The following ERC2 variants were observed in gnomAD, a reference collection of about 807,000 sequenced individuals.
The protein encoded by ERC2 is ELKS/RAB6-interacting/CAST family member 2, also known as ERC protein 2.
In ERC2, 42 loss-of-function variants were observed where a neutral mutation model predicts 114.8. That is an observed-to-expected ratio of 0.37 (90% CI 0.29 to 0.47). The LOEUF (loss-of-function observed/expected upper bound fraction) is 0.47, where lower values mean the gene tolerates loss of function less well. ERC2 is among the 20% of genes least tolerant of loss of function. The pLI is 0.99. For synonymous variants in ERC2, 454 were observed against 425.5 expected, an observed-to-expected ratio of 1.07 and a Z score of -0.82; for missense variants, 939 against 1,150.7, an observed-to-expected ratio of 0.82 and a Z score of 2.66.
intron 14 of ERC2, among the ~76,000 whole-genome samples, chr3:55,813,836 G>T (rs1458483164): frequency 6.6e-6 from 1 of 152,098 alleles, no homozygotes; most frequent in Non-Finnish European, 1.5e-5. Context: ...CCTATTAAAT[G>T]CAAGTCCCTC....
intron 6 of ERC2, among the ~76,000 whole-genome samples, chr3:56,132,819 G>A (rs2080285208): frequency 6.6e-6 from 1 of 152,084 alleles, no homozygotes; most frequent in African/African-American, 2.4e-5. Context: ...GTATGTGTAT[G>A]TTTGTATATA....
In ERC2 at chr3:56,355,892, A is replaced by G. The variant is rs548510165; in HGVS notation, c.658-59457T>C. Among the ~76,000 whole-genome samples, 5 of 152,312 alleles carry G rather than the reference A, an allele frequency of 3.3e-5. No individual in the cohort carries two copies. The South Asian group carries it at 1.0e-3, about 32-fold the overall frequency. ...TGTCTGCTCCAGCACCGTACTTTCC[A>G]TGGAGAGGTGATGAATCAGACTGGA... On this transcript the variant is annotated intron_variant, in intron 2 of 17. Transcript: ENST00000288221.
chr3:55,576,015 A>G (rs989355318), intron 17 of ERC2, among the ~76,000 whole-genome samples: 8 of 152,134 alleles, frequency 5.3e-5, no homozygotes, highest in Non-Finnish European at 1.2e-4. Context: ...ACCTCTATAA[A>G]ATTCTCCAAA....
chr3:56,091,787 C>A (rs2077806833), intron 6 of ERC2, among the ~76,000 whole-genome samples: 1 of 152,136 alleles, frequency 6.6e-6, no homozygotes, highest in Non-Finnish European at 1.5e-5. Context: ...GAGATTTGGT[C>A]ATCTCAATTG....
intron 17 of ERC2, among the ~76,000 whole-genome samples, chr3:55,646,240 A>G (rs2060392759): frequency 6.6e-6 from 1 of 152,172 alleles, no homozygotes; most frequent in Non-Finnish European, 1.5e-5. Flanking sequence ...TTCTTAATCC[A>G]ACCTGTTCAC....
chr3:55,917,694 A>T (rs565958350), intron 13 of ERC2, among the ~76,000 whole-genome samples: 1 of 152,246 alleles, frequency 6.6e-6, no homozygotes, highest in African/African-American at 2.4e-5. Context: ...TTTCCTTTTG[A>T]GGTAACAAAA....
rs189775315 is a variant in ERC2 at position 56,017,728 on chromosome 3, C to A, written c.1779+1166G>T. 1.4e-3 allele frequency among the ~76,000 whole-genome samples: 206 copies of A among 152,240 alleles called. 1 individual carries two copies. The Middle Eastern group carries it at 0.024, about 18-fold the overall frequency. ...CTCTTCTTTTGTAGAAAATATTACC[C>A]TCTGAAATCCTAGGAATGTCACGTA... is the stretch of plus-strand genomic sequence containing the variant. On this transcript the variant is annotated intron_variant, in intron 8 of 17. Transcript: ENST00000288221.
At chr3:55,549,478 T>C (rs78472157) in intron 17 of ERC2, among the ~76,000 whole-genome samples, 1 of 16,386 alleles carries the variant, frequency 6.1e-5, no homozygotes, top group South Asian at 3.6e-3. Context: ...CCGCCTTACC[T>C]TTTTTTTTTT....
intron 17 of ERC2, among the ~76,000 whole-genome samples, chr3:55,578,396 T>C (rs1252005370): frequency 2.0e-5 from 3 of 152,198 alleles, no homozygotes; most frequent in African/African-American, 4.8e-5. Flanking sequence ...GGAAAGCTCT[T>C]GCCTTGGCTC....
intron 14 of ERC2, among the ~76,000 whole-genome samples, chr3:55,879,286 A>G (rs2063013198): frequency 6.6e-6 from 1 of 152,080 alleles, no homozygotes; most frequent in South Asian, 2.1e-4. Flanking sequence ...GCAGCATGCA[A>G]AACAGGTGAG....
intron 13 of ERC2, among the ~76,000 whole-genome samples, chr3:55,922,020 G>C (rs2065460494): frequency 6.6e-6 from 1 of 152,018 alleles, no homozygotes; most frequent in Non-Finnish European, 1.5e-5. Context: ...AGCTCATACA[G>C]AGAAATGTAT....
intron 14 of ERC2, among the ~76,000 whole-genome samples, chr3:55,856,321 AG>A (rs1434445842): frequency 1.3e-5 from 2 of 152,302 alleles, no homozygotes; most frequent in Non-Finnish European, 2.9e-5. Context: ...GGTTTGAAAG[AG>A]AGAAAGACCA....
chr3:56,171,759 G>C (rs2082680256), intron 4 of ERC2, among the ~76,000 whole-genome samples: 1 of 150,510 alleles, frequency 6.6e-6, no homozygotes, highest in African/African-American at 2.4e-5. Context: ...AATTATCTTT[G>C]TATGGAGACA....
chr3:56,217,720 G>A (rs1224395545), intron 3 of ERC2, among the ~76,000 whole-genome samples: 6 of 152,228 alleles, frequency 3.9e-5, no homozygotes, highest in South Asian at 4.2e-4. Flanking sequence ...GAGGCATCAC[G>A]CTACCTGACT....
intron 4 of ERC2, among the ~76,000 whole-genome samples, chr3:56,158,413 A>G (rs930225240): frequency 1.3e-5 from 2 of 152,206 alleles, no homozygotes; most frequent in Non-Finnish European, 2.9e-5. Flanking sequence ...CTCTGCCTAA[A>G]ATAGGCTTAT....
At chr3:55,583,382 C>T (rs1367521681) in intron 17 of ERC2, among the ~76,000 whole-genome samples, 2 of 131,596 alleles carry the variant, frequency 1.5e-5, no homozygotes, top group East Asian at 4.0e-4. Context: ...TTCTTTCCTT[C>T]TTTCTTTCCT....
At chr3:56,417,751 C>G (rs1483254385) in intron 2 of ERC2, among the ~76,000 whole-genome samples, 1 of 152,166 alleles carries the variant, frequency 6.6e-6, no homozygotes, top group Non-Finnish European at 1.5e-5. Context: ...AGCAGGAACC[C>G]AGAGGCAGGC....
At position 55,889,964 on chromosome 3, in the gene ERC2, T is replaced by C. The variant is rs997740299; in HGVS notation, c.2404-1415A>G. 4.6e-5 allele frequency among the ~76,000 whole-genome samples: 7 copies of C among 152,072 alleles called. No homozygotes were observed. In the East Asian group the frequency reaches 1.2e-3, roughly 25 times the overall value. On this transcript the variant is annotated intron_variant, in intron 13 of 17. Coordinates refer to ENST00000288221, the MANE Select transcript of ERC2 (RefSeq NM_015576.3). ...CAGAAAACCCTTCATTTTGCCCTGATAAAAAGAGGAAACTGAATGATCATG... is the reference window on the plus strand; with the variant it reads ...CAGAAAACCCTTCATTTTGCCCTGACAAAAAGAGGAAACTGAATGATCATG...
intron 5 of ERC2, among the ~76,000 whole-genome samples, chr3:56,140,001 C>T (rs1194074065): frequency 1.3e-5 from 2 of 152,148 alleles, no homozygotes; most frequent in African/African-American, 4.8e-5. Flanking sequence ...AAGTATATTA[C>T]CACCATGGTC....
Sources: allele counts gnomAD v4.1 joint callset (sites outside exome capture counted in the v4.1 genomes callset), GRCh38; gene constraint gnomAD v4.1.1; transcripts MANE v1.5; gene names NCBI Gene and HGNC (gene_info 2026-07-23, HGNC 2026-07-21).